THSD7A: variants seen among roughly 807,000 people sequenced by gnomAD.
The protein encoded by THSD7A is thrombospondin type 1 domain containing 7A, also known as thrombospondin type-1 domain-containing protein 7A.
THSD7A carries 96 observed loss-of-function variants against 231.3 expected under a neutral mutation model. The observed-to-expected ratio is 0.41, with a 90% CI of 0.35 to 0.49. The LOEUF (loss-of-function observed/expected upper bound fraction) is 0.49, where lower values mean the gene tolerates loss of function less well. Among genes scored for constraint, THSD7A ranks in the 20% least tolerant of loss-of-function variants. THSD7A has a pLI of 0.05. For missense variants in THSD7A, 2,290 were observed against 2,070.2 expected, an observed-to-expected ratio of 1.11 and a Z score of -2.06; for synonymous variants, 940 against 743.3, an observed-to-expected ratio of 1.26 and a Z score of -4.30.
chr7:11,668,575 A>C (rs1339479604), intron 1 of THSD7A, among the ~76,000 whole-genome samples: 1 of 152,164 alleles, frequency 6.6e-6, no homozygotes, highest in African/African-American at 2.4e-5. Flanking sequence ...TGTTTTTTTA[A>C]GCTCCACAAT....
At chr7:11,448,487 G>A (rs142333532) in intron 11 of THSD7A, among the ~76,000 whole-genome samples, 135 of 152,134 alleles carry the variant, frequency 8.9e-4, no homozygotes, top group African/African-American at 2.9e-3. Flanking sequence ...TCAGGTTTAT[G>A]GTCTAGGCTG....
intron 1 of THSD7A, among the ~76,000 whole-genome samples, chr7:11,639,957 GCTTA>G (rs1782017617): frequency 6.6e-6 from 1 of 152,096 alleles, no homozygotes; most frequent in Non-Finnish European, 1.5e-5. Context: ...AAAAATCTTG[GCTTA>G]CTTCTAAGTT....
chr7:11,566,042 CT>C (rs1317862052), intron 4 of THSD7A, among the ~76,000 whole-genome samples: 1 of 135,808 alleles, frequency 7.4e-6, no homozygotes, highest in African/African-American at 2.8e-5. Context: ...TATGACAAGG[CT>C]CCTTAAAAAA....
At chr7:11,768,880 A>C (rs960351508) in intron 1 of THSD7A, among the ~76,000 whole-genome samples, 5 of 151,628 alleles carry the variant, frequency 3.3e-5, no homozygotes, top group African/African-American at 1.2e-4. Context: ...TCAGCATCCC[A>C]AGCATGCCAC....
Position 11,831,880 on chromosome 7 carries a change from G to A in THSD7A, c.67C>T (p.Leu23=). Residue 23 remains leucine (L), a synonymous_variant, in exon 1 of 28, where the codon CTG becomes TTG. Coordinates refer to ENST00000423059, the MANE Select transcript of THSD7A (RefSeq NM_015204.3). The surrounding 1 kb of genome is among the most constrained non-coding windows in gnomAD (Gnocchi z 5.0). ...GGCAGCGGCAGCGGCAGCAGCTGCA[G>A]GACGCCCCGGCGCGGCCCCGCAGCG... ...RGAAGPRRGV[L]QLLPLPLPLP... is the part of the protein sequence containing the mutation. The A allele has an allele frequency of 7.9e-7, 1 of 1,263,096 alleles. No individual in the cohort carries two copies. Among genetic ancestry groups the A allele is most frequent in the Non-Finnish European group, 9.9e-7 (1 of 1,008,670 alleles). The allele number at this position is 1,263,096 out of a possible 1,614,324, so 78.2% of individuals were successfully genotyped here.
intron 4 of THSD7A, among the ~76,000 whole-genome samples, chr7:11,583,379 A>G (rs1791251531): frequency 1.3e-5 from 2 of 151,986 alleles, no homozygotes; most frequent in Non-Finnish European, 2.9e-5. Context: ...TGGGCTCAAG[A>G]GATCCTCTTA....
intron 1 of THSD7A, among the ~76,000 whole-genome samples, chr7:11,819,533 CACTT>C (rs1784805111): frequency 6.6e-6 from 1 of 152,156 alleles, no homozygotes; most frequent in Non-Finnish European, 1.5e-5. Context: ...AAAACTTAAA[CACTT>C]ACTGCTAGTG....
At chr7:11,724,411 C>T (rs529520788) in intron 1 of THSD7A, among the ~76,000 whole-genome samples, 61 of 152,022 alleles carry the variant, frequency 4.0e-4, no homozygotes, top group African/African-American at 1.2e-3. Flanking sequence ...TTTGTTCTGA[C>T]TCTGCAGTAT....
chr7:11,496,964 A>G (rs1787128093), intron 6 of THSD7A, among the ~76,000 whole-genome samples: 1 of 152,190 alleles, frequency 6.6e-6, no homozygotes, highest in Non-Finnish European at 1.5e-5. Context: ...AACGTAAATC[A>G]ATGTATTAGT....
chr7:11,815,117 A>T (rs559366828), intron 1 of THSD7A, among the ~76,000 whole-genome samples: 68 of 151,506 alleles, frequency 4.5e-4, no homozygotes, highest in African/African-American at 1.5e-3. Context: ...AATCTTTTCT[A>T]CCCTCCATTT....
At chr7:11,557,488 G>T (rs1789896519) in intron 4 of THSD7A, among the ~76,000 whole-genome samples, 1 of 151,780 alleles carries the variant, frequency 6.6e-6, no homozygotes, top group Admixed American at 6.6e-5. Context: ...GTTGAATCTG[G>T]TAACTCCCTG....
chr7:11,502,807 C>T (rs910950426), intron 6 of THSD7A, among the ~76,000 whole-genome samples: 6 of 152,146 alleles, frequency 3.9e-5, no homozygotes, highest in African/African-American at 1.4e-4. Flanking sequence ...TCAGGGAAGA[C>T]ACAAACAAAT....
At chr7:11,735,414 G>A (rs756905623) in intron 1 of THSD7A, among the ~76,000 whole-genome samples, 5 of 151,830 alleles carry the variant, frequency 3.3e-5, no homozygotes, top group Non-Finnish European at 7.4e-5. Flanking sequence ...CCATACATAA[G>A]CACTTAAACA....
intron 1 of THSD7A, among the ~76,000 whole-genome samples, chr7:11,760,546 G>T (rs1331937255): frequency 6.6e-6 from 1 of 151,914 alleles, no homozygotes; most frequent in African/African-American, 2.4e-5. Flanking sequence ...CTTCTTGTTC[G>T]CTGAGCTTCC....
intron 16 of THSD7A, among the ~76,000 whole-genome samples, chr7:11,423,437 C>T (rs901218629): frequency 2.0e-5 from 3 of 147,564 alleles, no homozygotes; most frequent in African/African-American, 7.6e-5. Flanking sequence ...GGCGCGATCT[C>T]GGCTCACTGC....
At chr7:11,692,628 A>T (rs1780268686) in intron 1 of THSD7A, among the ~76,000 whole-genome samples, 1 of 151,540 alleles carries the variant, frequency 6.6e-6, no homozygotes, top group Non-Finnish European at 1.5e-5. Flanking sequence ...TTTCTTCCTA[A>T]ATCTTCCACC....
At chr7:11,787,044 C>A (rs1018564032) in intron 1 of THSD7A, among the ~76,000 whole-genome samples, 1 of 151,974 alleles carries the variant, frequency 6.6e-6, no homozygotes, top group African/African-American at 2.4e-5. Flanking sequence ...TTCTGGATTT[C>A]TAGTTTCATA....
intron 1 of THSD7A, among the ~76,000 whole-genome samples, chr7:11,735,739 ATAATGC>A (rs1781893823): frequency 6.6e-6 from 1 of 152,004 alleles, no homozygotes; most frequent in African/African-American, 2.4e-5. Context: ...ACAGTCTAAT[ATAATGC>A]TAAAATTGTT....
chr7:11,748,137 T>G (rs549220171), intron 1 of THSD7A, among the ~76,000 whole-genome samples: 64 of 152,066 alleles, frequency 4.2e-4, no homozygotes, highest in Non-Finnish European at 8.1e-4. Context: ...CCAGATACAA[T>G]GCAACTGCAG....
Sources: gnomAD v4.1 joint callset for allele counts (sites outside exome capture counted in the v4.1 genomes callset) on GRCh38, gnomAD v4.1.1 for gene constraint, Gnocchi (gnomAD v3.1) non-coding constraint, MANE v1.5 for transcripts, NCBI Gene and HGNC (gene_info 2026-07-23, HGNC 2026-07-21) for gene names.